Variants in WWOX observed in about 807,000 individuals in gnomAD.
WWOX encodes the protein WW domain containing oxidoreductase, also known as WW domain-containing oxidoreductase.
Under a neutral mutation model 46.2 loss-of-function variants are expected in WWOX, and 69 were observed. That is an observed-to-expected ratio of 1.49 (90% CI 1.23 to 1.82). The LOEUF is 1.82. Among genes scored for constraint, WWOX ranks in the 40% most tolerant of loss-of-function variants. WWOX has a pLI of 0.00. For synonymous variants in WWOX, 359 were observed against 202.6 expected, an observed-to-expected ratio of 1.77 and a Z score of -6.56; for missense variants, 919 against 542.6, an observed-to-expected ratio of 1.69 and a Z score of -6.89.
chr16:78,914,602 G>T (rs565427659), intron 8 of WWOX, among the ~76,000 whole-genome samples: 10 of 151,906 alleles, frequency 6.6e-5, no homozygotes, highest in African/African-American at 2.2e-4. Context: ...AAACCAGGCC[G>T]GGAGCAGCGG....
chr16:78,335,072 A>C (rs1251986066), intron 5 of WWOX, among the ~76,000 whole-genome samples: 2 of 152,180 alleles, frequency 1.3e-5, no homozygotes, highest in African/African-American at 2.4e-5. Context: ...CTTGGGCTTT[A>C]TTCCACACAT....
chr16:78,187,191 T>G (rs1443088326), intron 5 of WWOX, among the ~76,000 whole-genome samples: 1 of 152,212 alleles, frequency 6.6e-6, no homozygotes, highest in African/African-American at 2.4e-5. Flanking sequence ...TAGTACCAAA[T>G]GATGCTCTTG....
At chr16:78,743,912 G>C (rs1250128721) in intron 8 of WWOX, among the ~76,000 whole-genome samples, 7 of 152,176 alleles carry the variant, frequency 4.6e-5, no homozygotes, top group Non-Finnish European at 1.0e-4. Flanking sequence ...AGGCTCTTGA[G>C]CCTCTATGCT....
At chr16:78,398,263 T>A (rs992048799) in intron 6 of WWOX, among the ~76,000 whole-genome samples, 3 of 152,114 alleles carry the variant, frequency 2.0e-5, no homozygotes, top group African/African-American at 7.2e-5. Flanking sequence ...TGGGATCTGA[T>A]CCCTTCTCCC....
chr16:78,538,338 C>T (rs1412865635), intron 8 of WWOX, among the ~76,000 whole-genome samples: 1 of 151,498 alleles, frequency 6.6e-6, no homozygotes, highest in Non-Finnish European at 1.5e-5. Flanking sequence ...CTAGGCACGG[C>T]TGCCAGCGCT....
intron 8 of WWOX, among the ~76,000 whole-genome samples, chr16:78,945,259 G>T (rs7205860): frequency 0.032 from 4,890 of 152,248 alleles, 281 homozygotes; most frequent in African/African-American, 0.11. Context: ...AGTGGCACCA[G>T]TTCTTCTTTC....
chr16:78,969,806 A>G (rs1454335722), intron 8 of WWOX, among the ~76,000 whole-genome samples: 10 of 152,248 alleles, frequency 6.6e-5, no homozygotes, highest in Admixed American at 5.9e-4. Context: ...GCAAATCTGC[A>G]GAAACAGAAA....
chr16:78,470,819 A>G (rs2084203666), intron 8 of WWOX, among the ~76,000 whole-genome samples: 1 of 151,932 alleles, frequency 6.6e-6, no homozygotes, highest in African/African-American at 2.4e-5. Context: ...ATGAGTCACC[A>G]TGCCCGACCA....
In WWOX at chr16:79,211,986, C is replaced by A. The variant is rs1302497327; in HGVS notation, c.*190C>A. 13 of 1,532,658 alleles carry A rather than the reference C, an allele frequency of 8.5e-6. No homozygotes were observed. The highest frequency in any genetic ancestry group is 1.1e-5 in the Non-Finnish European group (13 of 1,146,152). 94.9% of individuals were successfully genotyped at this position (1,532,658 alleles called of 1,614,324 possible). A position where few individuals can be genotyped will look rare whatever the true frequency, so the allele number is the denominator to read the frequency against. ...GCAGGGAATTCCTGGGGTAAAGTAT[C>A]ACTTTTCTGGGGCTGGGCTAGGCAT... On this transcript the variant is annotated 3_prime_UTR_variant, in exon 9 of 9. Transcript: ENST00000566780.
chr16:78,462,173 A>G (rs1044915894), intron 8 of WWOX, among the ~76,000 whole-genome samples: 1 of 152,180 alleles, frequency 6.6e-6, no homozygotes, highest in Non-Finnish European at 1.5e-5. Flanking sequence ...AGGTAATTTA[A>G]GCAACTTGCA....
In WWOX at chr16:79,117,025, T is replaced by G. The variant is rs2049530155; in HGVS notation, c.1057-94583T>G. On this transcript the variant is annotated intron_variant, in intron 8 of 8. Coordinates refer to ENST00000566780, the MANE Select transcript of WWOX (RefSeq NM_016373.4). ...CAGAGCTCTTAGGTACGAGGTACATTGTCAACAAGTGGAATATTTTTATTT... is the reference window on the plus strand; with the variant it reads ...CAGAGCTCTTAGGTACGAGGTACATGGTCAACAAGTGGAATATTTTTATTT... Among the ~76,000 whole-genome samples, 4 of 150,560 alleles carry G rather than the reference T, an allele frequency of 2.7e-5. No homozygotes were observed. The South Asian group carries it at 8.6e-4, about 33-fold the overall frequency.
intron 8 of WWOX, among the ~76,000 whole-genome samples, chr16:78,682,351 C>T (rs563985283): frequency 6.6e-6 from 1 of 152,154 alleles, no homozygotes; most frequent in African/African-American, 2.4e-5. Context: ...CACCTTTCAG[C>T]TCAGTTTTTT....
At chr16:78,416,696 A>G (rs2082804188) in intron 6 of WWOX, among the ~76,000 whole-genome samples, 1 of 152,242 alleles carries the variant, frequency 6.6e-6, no homozygotes, top group African/African-American at 2.4e-5. Flanking sequence ...CCCAATGTCC[A>G]GGCCTGTCTT....
intron 5 of WWOX, among the ~76,000 whole-genome samples, chr16:78,314,145 G>A (rs1429906109): frequency 1.3e-5 from 2 of 152,058 alleles, no homozygotes; most frequent in Non-Finnish European, 2.9e-5. Flanking sequence ...GATGGCTGAC[G>A]CCTGGAATCC....
At chr16:78,173,778 G>C (rs1407409512) in intron 5 of WWOX, among the ~76,000 whole-genome samples, 6 of 151,978 alleles carry the variant, frequency 3.9e-5, no homozygotes, top group African/African-American at 1.5e-4. Flanking sequence ...GTCTTACTTC[G>C]GGCTAATAAC....
At chr16:78,581,820 A>G (rs984709471) in intron 8 of WWOX, among the ~76,000 whole-genome samples, 1 of 152,188 alleles carries the variant, frequency 6.6e-6, no homozygotes, top group African/African-American at 2.4e-5. Context: ...TAGTAGTGTA[A>G]GTTGATTTCA....
chr16:78,567,882 A>T (rs1049991493), intron 8 of WWOX, among the ~76,000 whole-genome samples: 1 of 152,226 alleles, frequency 6.6e-6, no homozygotes, highest in African/African-American at 2.4e-5. Flanking sequence ...TCCCGTGTCT[A>T]ATGGAACAGA....
At chr16:78,601,434 G>A (rs1165152446) in intron 8 of WWOX, among the ~76,000 whole-genome samples, 2 of 95,654 alleles carry the variant, frequency 2.1e-5, no homozygotes, top group East Asian at 6.6e-4. Context: ...GAATTCCCCA[G>A]CAGAGAGAAA....
intron 8 of WWOX, among the ~76,000 whole-genome samples, chr16:78,829,933 G>A (rs2051770272): frequency 6.6e-6 from 1 of 152,094 alleles, no homozygotes; most frequent in South Asian, 2.1e-4. Context: ...TTCAGCAGAG[G>A]AAAAATGATG....
Sources: gnomAD v4.1 joint callset for allele counts (sites outside exome capture counted in the v4.1 genomes callset) on GRCh38, gnomAD v4.1.1 for gene constraint, MANE v1.5 for transcripts, NCBI Gene and HGNC (gene_info 2026-07-23, HGNC 2026-07-21) for gene names.